ZNF143: variants seen among roughly 807,000 people sequenced by gnomAD.
ZNF143 encodes the protein zinc finger protein 143, also known as SPH-binding factor.
A neutral mutation model predicts 74.1 loss-of-function variants in ZNF143; 49 were observed. That is an observed-to-expected ratio of 0.66 (90% CI 0.53 to 0.84). The LOEUF (loss-of-function observed/expected upper bound fraction) is 0.84. ZNF143 is among the 40% of genes least tolerant of loss of function. ZNF143 has a pLI of 0.00. For synonymous variants in ZNF143, 304 were observed against 282.8 expected (o/e 1.07, Z -0.75); for missense variants, 637 against 793.4 (o/e 0.80, Z 2.37).
At chr11:9,497,590 G>T in intron 9 of ZNF143, 85 bp from the exon 10 acceptor site, 1 of 1,060,238 alleles carries the variant, frequency 9.4e-7, no homozygotes, top group South Asian at 1.6e-5. Flanking sequence ...ACTTGGTATT[G>T]ACTATATTTT....
intron 14 of ZNF143, among the ~76,000 whole-genome samples, chr11:9,523,442 A>G (rs1296608701): frequency 2.6e-5 from 4 of 152,186 alleles, no homozygotes; most frequent in Non-Finnish European, 5.9e-5. Context: ...GAGGGGTCTT[A>G]AGGATTTGAG....
At position 9,478,549 on chromosome 11, in the gene ZNF143, C is replaced by T. The variant is rs769725334; in HGVS notation, c.533C>T (p.Pro178Leu). The T allele has an allele frequency of 2.5e-6, 4 of 1,614,198 alleles. No homozygotes were observed. In the Admixed American group the frequency reaches 6.7e-5, roughly 27 times the overall value. The change falls in exon 6 of 16, where the codon CCT becomes CTT. Residue 178 changes from proline to leucine, a missense_variant. This residue lies in a region of ZNF143 where 293 missense variants were observed against 307.8 expected (regional missense o/e 0.95). Transcript: ENST00000396602. ...CACACTGGGGATGCTACAATTGACC[C>T]TGACACCATCAGTGCTTTGGAACAG... Reference protein sequence around the residue: ...GLHTGDATIDPDTISALEQYA... With the variant: ...GLHTGDATIDLDTISALEQYA...
chr11:9,476,888 T>G (rs1428096467), intron 5 of ZNF143, among the ~76,000 whole-genome samples: 6 of 147,338 alleles, frequency 4.1e-5, no homozygotes, highest in Non-Finnish European at 8.9e-5. Flanking sequence ...GCCTTCGGAG[T>G]AGCTGGGACT....
chr11:9,478,589 A>G lies in ZNF143; in HGVS notation c.570+3A>G. 2 of 1,605,764 alleles carry G rather than the reference A, an allele frequency of 1.2e-6. No homozygotes were observed. The highest frequency in any genetic ancestry group is 1.7e-6 in the Non-Finnish European group (2 of 1,172,888). ...CTTTGGAACAGTATGCAGCAAAGGT[A>G]TAGCATTTCACAATGTCAAGAATGT... On this transcript the variant is annotated splice_donor_region_variant and intron_variant, in intron 6 of 15. Transcript: ENST00000396602.
chr11:9,491,512 G>A (rs538057675), intron 7 of ZNF143, among the ~76,000 whole-genome samples: 11 of 152,004 alleles, frequency 7.2e-5, no homozygotes, highest in Middle Eastern at 3.4e-3. Flanking sequence ...GGTGGCGGGC[G>A]CCTCTAGTCC....
At position 9,478,675 on chromosome 11, in the gene ZNF143, C is replaced by A. The variant is rs1847117794; in HGVS notation, c.570+89C>A. 9 of 1,463,762 alleles carry A rather than the reference C, an allele frequency of 6.1e-6. 1 individual carries two copies. Among genetic ancestry groups the A allele is most frequent in the Admixed American group, 4.3e-5 (2 of 46,368 alleles). The allele number at this position is 1,463,762 out of a possible 1,614,324, so 90.7% of individuals were successfully genotyped here. ...AAGAAAACAAAAAAGTACACCTCAT[C>A]AAAAAAAACCTGGCCAATTTTGGCT... On this transcript the variant is annotated intron_variant, in intron 6 of 15. Transcript: ENST00000396602.
intron 1 of ZNF143, among the ~76,000 whole-genome samples, chr11:9,468,039 T>C (rs1332919164): frequency 6.6e-6 from 1 of 152,280 alleles, no homozygotes; most frequent in East Asian, 1.9e-4. Flanking sequence ...ACATGCTTTT[T>C]AACAGAGCAG....
At chr11:9,501,925 CTTTTTTTTTTTTTT>C (rs57169874) in intron 11 of ZNF143, among the ~76,000 whole-genome samples, 8 of 37,440 alleles carry the variant, frequency 2.1e-4, no homozygotes, top group African/African-American at 6.8e-4. Flanking sequence ...TGGATATATT[CTTTTTTTTTTTTTT>C]TTTTTTTTTT....
chr11:9,526,173 G>A (rs1022874518), intron 15 of ZNF143, among the ~76,000 whole-genome samples: 3 of 151,860 alleles, frequency 2.0e-5, no homozygotes, highest in African/African-American at 7.3e-5. Flanking sequence ...CAGGCAACAT[G>A]ACGAAACCCC....
intron 8 of ZNF143, among the ~76,000 whole-genome samples, 169 bp downstream of exon 8, chr11:9,494,934 G>T (rs534275074): frequency 6.6e-6 from 1 of 152,308 alleles, no homozygotes; most frequent in East Asian, 1.9e-4. Flanking sequence ...GGACTTTAGA[G>T]ACTGTTAATT....
At chr11:9,481,580 G>C (rs974918802) in intron 7 of ZNF143, among the ~76,000 whole-genome samples, 1 of 151,926 alleles carries the variant, frequency 6.6e-6, no homozygotes, top group Non-Finnish European at 1.5e-5. Context: ...TAAAATAATA[G>C]AATATTTTAA....
At chr11:9,517,821 C>T (rs1848776021) in intron 14 of ZNF143, among the ~76,000 whole-genome samples, 1 of 152,058 alleles carries the variant, frequency 6.6e-6, no homozygotes, top group African/African-American at 2.4e-5. Flanking sequence ...ACTTCTGCAA[C>T]CTTAAAGATT....
At chr11:9,521,597 G>A (rs779503347) in intron 14 of ZNF143, among the ~76,000 whole-genome samples, 1 of 150,238 alleles carries the variant, frequency 6.7e-6, no homozygotes, top group African/African-American at 2.5e-5. Flanking sequence ...TGTTGTTGTT[G>A]TTTTTTACTA....
chr11:9,486,818 G>A (rs1262689708), intron 7 of ZNF143, among the ~76,000 whole-genome samples: 4 of 149,244 alleles, frequency 2.7e-5, no homozygotes, highest in African/African-American at 7.6e-5. Context: ...ACAGGCACCC[G>A]CCACCACGCC....
Position 9,501,173 on chromosome 11 carries a change from A to G in ZNF143, c.1050A>G (p.Thr350=). The change falls in exon 11 of 16, where the codon ACA becomes ACG. Residue 350 remains threonine, a synonymous_variant. Coordinates refer to ENST00000396602, the MANE Select transcript of ZNF143 (RefSeq NM_003442.6). Reference sequence around the variant, plus strand: ...ATATCAGAAAAGTGCACGTTAGGACACACACAGGAGAAAGACCTTATTACT... The same window carrying G: ...ATATCAGAAAAGTGCACGTTAGGACGCACACAGGAGAAAGACCTTATTACT... ...TSNIRKVHVR[T]HTGERPYYCT... The G allele has an allele frequency of 1.2e-6, 2 of 1,614,244 alleles. No individual in the cohort carries two copies. The highest frequency in any genetic ancestry group is 1.1e-5 in the South Asian group (1 of 91,090).
intron 10 of ZNF143, among the ~76,000 whole-genome samples, chr11:9,500,378 A>G (rs900258459): frequency 3.3e-5 from 5 of 150,692 alleles, no homozygotes; most frequent in Admixed American, 1.3e-4. Context: ...TTGAACACCT[A>G]CTATTTCCTG....
intron 1 of ZNF143, among the ~76,000 whole-genome samples, chr11:9,466,844 T>C (rs1177863811): frequency 7.1e-6 from 1 of 140,930 alleles, no homozygotes; most frequent in East Asian, 2.0e-4. Context: ...GATATTATTG[T>C]AATACTTTTA....
At chr11:9,487,494 A>T (rs1358988842) in intron 7 of ZNF143, among the ~76,000 whole-genome samples, 1 of 151,028 alleles carries the variant, frequency 6.6e-6, no homozygotes, top group African/African-American at 2.5e-5. Context: ...AGTAGCTGGG[A>T]CTACAGGCGC....
intron 14 of ZNF143, among the ~76,000 whole-genome samples, chr11:9,524,606 A>G (rs1423113005): frequency 4.6e-5 from 7 of 152,196 alleles, no homozygotes; most frequent in African/African-American, 7.2e-5. Flanking sequence ...GAAATAGTTA[A>G]TTGCCATTTT....
Sources: allele counts gnomAD v4.1 joint callset (sites outside exome capture counted in the v4.1 genomes callset), GRCh38; gene constraint gnomAD v4.1.1; regional missense constraint gnomAD v4.1.1; transcripts MANE v1.5; gene names NCBI Gene and HGNC (gene_info 2026-07-23, HGNC 2026-07-21).